Variants in SLC12A5 observed in about 807,000 individuals in gnomAD.
SLC12A5 encodes the protein solute carrier family 12 member 5.
SLC12A5 carries 18 observed loss-of-function variants against 124.0 expected under a neutral mutation model. That is an observed-to-expected ratio of 0.15 (90% CI 0.10 to 0.22). The LOEUF is 0.22. Ranked by LOEUF, SLC12A5 falls within the 10% of genes least tolerant of loss-of-function variation. The pLI, the probability that SLC12A5 is intolerant of heterozygous loss-of-function variation, is 1.00. For missense variants in SLC12A5, 867 were observed against 1,478.7 expected (o/e 0.59, Z 6.78); for synonymous variants, 589 against 568.0 (o/e 1.04, Z -0.53).
chr20:46,056,833 T>A lies in SLC12A5; in HGVS notation c.3111-64T>A, dbSNP rs970633290. 6.4e-7 allele frequency: 1 copy of A among 1,557,638 alleles called. No homozygotes were observed. The highest frequency in any genetic ancestry group is 1.1e-5 in the South Asian group (1 of 89,960). On this transcript the variant is annotated intron_variant, in intron 23 of 25. Transcript: ENST00000243964. The surrounding 1 kb of genome is among the most constrained non-coding windows in gnomAD (Gnocchi z 4.3). Reference sequence around the variant, plus strand: ...ATGACCATGGCCCAAGCCCCCAGTGTCTTCCTCTTTTTCTGACTCTGCTCT... The same window carrying A: ...ATGACCATGGCCCAAGCCCCCAGTGACTTCCTCTTTTTCTGACTCTGCTCT...
intron 21 of SLC12A5, 146 bp downstream of exon 21, chr20:46,055,169 A>G: frequency 1.5e-6 from 1 of 657,570 alleles, no homozygotes; most frequent in East Asian, 2.7e-5. Flanking sequence ...CCTGAAACTG[A>G]TCTCCCAGAC....
intron 15 of SLC12A5, 103 bp from the exon 16 acceptor site, chr20:46,047,878 C>A: frequency 1.8e-6 from 2 of 1,130,410 alleles, no homozygotes; most frequent in Non-Finnish European, 2.5e-6. Context: ...CCTTTCTGAG[C>A]CTGAGAGATG....
At chr20:46,042,725 T>G (rs967774721) in intron 8 of SLC12A5, among the ~76,000 whole-genome samples, 1 of 151,872 alleles carries the variant, frequency 6.6e-6, no homozygotes, top group African/African-American at 2.4e-5. Context: ...GGACAGAAGT[T>G]GGAGGTGGTA....
Position 46,051,847 on chromosome 20 carries a change from A to G in SLC12A5, c.2354A>G (p.His785Arg). 6.3e-7 allele frequency: 1 copy of G among 1,577,620 alleles called. No individual in the cohort carries two copies. The highest frequency in any genetic ancestry group is 8.6e-7 in the Non-Finnish European group (1 of 1,165,108). Reference sequence around the variant, plus strand: ...CGCAACTGGCGCCAGAAGGAAGATCATCAGACGTGGAGGAACTTCATTGGT... The same window carrying G: ...CGCAACTGGCGCCAGAAGGAAGATCGTCAGACGTGGAGGAACTTCATTGGT... ...WPRNWRQKEDHQTWRNFIELV... is the reference protein window; with the variant it reads ...WPRNWRQKEDRQTWRNFIELV... The change falls in exon 18 of 26, where the codon CAT (histidine) becomes CGT (arginine). Residue 785 changes from histidine (H) to arginine (R), a missense_variant. Around this residue, in one of 9 missense-constraint regions of SLC12A5, gnomAD observed 110 missense variants for 149.9 expected, o/e 0.73. Coordinates refer to ENST00000243964, the MANE Select transcript of SLC12A5 (RefSeq NM_020708.5).
At chr20:46,051,204 C>A (rs149831872) in intron 17 of SLC12A5, among the ~76,000 whole-genome samples, 1 of 152,236 alleles carries the variant, frequency 6.6e-6, no homozygotes, top group African/African-American at 2.4e-5. Context: ...CCTCATAGTA[C>A]AGTTTAAATG....
At chr20:46,048,399 C>G (rs1029383053) in intron 16 of SLC12A5, among the ~76,000 whole-genome samples, 1 of 152,198 alleles carries the variant, frequency 6.6e-6, no homozygotes, top group African/African-American at 2.4e-5. Flanking sequence ...TGGCAAGTCC[C>G]CTTCTAGTCT....
chr20:46,035,172 A>G, intron 2 of SLC12A5, 130 bp downstream of exon 2: 1 of 1,074,020 alleles, frequency 9.3e-7, no homozygotes, highest in Non-Finnish European at 1.4e-6. Context: ...TTCTTCCTTG[A>G]GCCTCCCCAT....
chr20:46,034,003 G>A (rs2084475854), intron 1 of SLC12A5, among the ~76,000 whole-genome samples: 1 of 151,994 alleles, frequency 6.6e-6, no homozygotes, highest in African/African-American at 2.4e-5. Context: ...TCTGGATGAG[G>A]TCCACATTCT....
At chr20:46,046,228 G>A in intron 13 of SLC12A5, 110 bp from the exon 14 acceptor site, 1 of 1,018,810 alleles carries the variant, frequency 9.8e-7, no homozygotes, top group South Asian at 1.4e-5. Context: ...GCATGATCTG[G>A]CCACCTCCTG....
upstream of SLC12A5, chr20:46,021,827 C>T: frequency 5.2e-6 from 8 of 1,534,350 alleles, no homozygotes; most frequent in Non-Finnish European, 6.1e-6. Context: ...AGCCCTGACC[C>T]AGAGTCCCGC....
intron 11 of SLC12A5, 97 bp downstream of exon 11, chr20:46,044,030 T>G (rs2084572227): frequency 7.9e-7 from 1 of 1,259,020 alleles, no homozygotes; most frequent in African/African-American, 1.5e-5. Context: ...GGGACCTGTG[T>G]GAGGGGCCTG....
rs1600608835 is a variant in SLC12A5 at position 46,058,153 on chromosome 20, C to A, written c.*548C>A. 1.3e-5 allele frequency: 3 copies of A among 231,186 alleles called. No homozygotes were observed. Among genetic ancestry groups the A allele is most frequent in the Non-Finnish European group, 1.7e-5 (2 of 120,042 alleles). The allele number at this position is 231,186 out of a possible 1,614,324, so 14.3% of individuals were successfully genotyped here. ...CAGGAGACATCGCGTGTATTTTTAA[C>A]GTCCCCATATTTATGTGACTAGAAG... On this transcript the variant is annotated 3_prime_UTR_variant, in exon 26 of 26. Transcript: ENST00000243964. The surrounding 1 kb of genome is among the most constrained non-coding windows in gnomAD (Gnocchi z 5.8).
chr20:46,059,768 G>T lies in SLC12A5; in HGVS notation c.*2163G>T. ...TTAGATGTTTCATGTCCATTCAAGT[G>T]ACTTTTATTCTGAGTGCAATATTTC... is the stretch of plus-strand genomic sequence containing the variant. On this transcript the variant is annotated 3_prime_UTR_variant, in exon 26 of 26. Coordinates refer to ENST00000243964, the MANE Select transcript of SLC12A5 (RefSeq NM_020708.5). 5.0e-6 allele frequency: 2 copies of T among 397,936 alleles called. No homozygotes were observed. Among genetic ancestry groups the T allele is most frequent in the South Asian group, 2.7e-4 (2 of 7,382 alleles). 24.7% of individuals were successfully genotyped at this position (397,936 alleles called of 1,614,324 possible). A position where few individuals can be genotyped will look rare whatever the true frequency, so the allele number is the denominator to read the frequency against.
At chr20:46,046,503 T>A in intron 14 of SLC12A5, 67 bp downstream of exon 14, 1 of 1,373,252 alleles carries the variant, frequency 7.3e-7, no homozygotes, top group Non-Finnish European at 1.0e-6. Context: ...CTCATCTTAC[T>A]CCAGTCCATC....
Position 46,056,269 on chromosome 20 carries a change from G to A in SLC12A5, c.2907G>A (p.Glu969=), listed in dbSNP as rs1457119433. The change falls in exon 22 of 26, where the codon GAG becomes GAA. Residue 969 remains glutamate, a synonymous_variant. Transcript: ENST00000243964. This position sits in a 1 kb window ranked among gnomAD's most constrained non-coding sequence, Gnocchi z 4.3. ...TAGDSEEKPE[E]EVQLIHDQSA... ...GTGACAGTGAAGAGAAGCCAGAGGA[G>A]GAGGTGTGCAGCTTGGGTGGTTTGG... is the stretch of plus-strand genomic sequence containing the variant. 2 of 1,614,066 alleles carry A rather than the reference G, an allele frequency of 1.2e-6. No individual in the cohort carries two copies. Among genetic ancestry groups the A allele is most frequent in the East Asian group, 4.5e-5 (2 of 44,894 alleles).
At chr20:46,040,725 G>T (rs2084538480) in intron 7 of SLC12A5, 111 bp downstream of exon 7, 2 of 1,502,338 alleles carry the variant, frequency 1.3e-6, no homozygotes, top group South Asian at 2.6e-5. Context: ...AGAGTGGTGT[G>T]GGTTGGGAGT....
upstream of SLC12A5, chr20:46,021,809 C>T: frequency 6.5e-7 from 1 of 1,534,464 alleles, no homozygotes; most frequent in Non-Finnish European, 8.7e-7. Context: ...CCCGCAGGGC[C>T]CGCCAGAAGC....
At chr20:46,044,413 A>G (rs117718766) in intron 11 of SLC12A5, among the ~76,000 whole-genome samples, 5,145 of 152,228 alleles carry the variant, frequency 0.034, 186 homozygotes, top group Admixed American at 0.12. Flanking sequence ...GTCCTTAGGG[A>G]TCTTCCCAGG....
In SLC12A5 at chr20:46,056,542, A is replaced by G. The variant is rs372554606; in HGVS notation, c.3088A>G (p.Lys1030Glu). 6.2e-6 allele frequency: 10 copies of G among 1,614,064 alleles called. No homozygotes were observed. Among genetic ancestry groups the G allele is most frequent in the Non-Finnish European group, 8.5e-6 (10 of 1,179,936 alleles). ...CAGTCCTGTCTCCTCTGAGGGCATCAAGGACTTCTTCAGCATGAAGCCGTA... is the reference window on the plus strand; with the variant it reads ...CAGTCCTGTCTCCTCTGAGGGCATCGAGGACTTCTTCAGCATGAAGCCGTA... ...GPSPVSSEGIKDFFSMKPEWE... is the reference protein window; with the variant it reads ...GPSPVSSEGIEDFFSMKPEWE... The change falls in exon 23 of 26, where the codon AAG becomes GAG. Residue 1030 changes from lysine (K) to glutamate (E), a missense_variant. Physicochemically the swap from Lys to Glu is moderately conservative, Grantham distance 56 (BLOSUM62 1). Coordinates refer to ENST00000243964, the MANE Select transcript of SLC12A5 (RefSeq NM_020708.5). The surrounding 1 kb of genome is among the most constrained non-coding windows in gnomAD (Gnocchi z 4.3).
Sources: gnomAD v4.1 joint callset for allele counts (sites outside exome capture counted in the v4.1 genomes callset) on GRCh38, gnomAD v4.1.1 for gene constraint, gnomAD v4.1.1 regional missense constraint, Gnocchi (gnomAD v3.1) non-coding constraint, MANE v1.5 for transcripts, NCBI Gene and HGNC (gene_info 2026-07-23, HGNC 2026-07-21) for gene names.